Variants in ANKS3 observed in about 807,000 individuals in gnomAD.
ANKS3 encodes ankyrin repeat and SAM domain-containing protein 3.
Under a neutral mutation model 80.7 loss-of-function variants are expected in ANKS3, and 62 were observed. The observed-to-expected ratio is 0.77, with a 90% confidence interval of 0.63 to 0.95. ANKS3 has a LOEUF of 0.95. ANKS3 is among the 40% of genes least tolerant of loss of function. ANKS3 has a pLI of 0.00. For synonymous variants in ANKS3, 489 were observed against 355.3 expected, an observed-to-expected ratio of 1.38 and a Z score of -4.23; for missense variants, 1,150 against 883.6, an observed-to-expected ratio of 1.30 and a Z score of -3.82.
At position 4,710,554 on chromosome 16, in the gene ANKS3, C is replaced by G. The variant is rs1313419648; in HGVS notation, c.709+3497G>C. ...CAAAACCACCTCTCTACAAAAAATA[C>G]AAACGTAAGCTGGGCGTGGTAGGGT... On this transcript the variant is annotated intron_variant, in intron 7 of 17. Transcript: ENST00000304283. Among the ~76,000 whole-genome samples, 8 of 152,032 alleles carry G rather than the reference C, an allele frequency of 5.3e-5. No homozygotes were observed. The East Asian group carries it at 1.5e-3, about 29-fold the overall frequency.
rs751324155 is a variant in ANKS3 at position 4,698,802 on chromosome 16, T to G, written c.1549A>C (p.Lys517Gln). The G allele has an allele frequency of 3.7e-6, 6 of 1,604,904 alleles. No individual in the cohort carries two copies. The highest frequency in any genetic ancestry group is 5.1e-6 in the Non-Finnish European group (6 of 1,175,938). The change falls in exon 13 of 18, where the codon AAG (lysine) becomes CAG (glutamine). Residue 517 changes from lysine (K) to glutamine (Q), a missense_variant and splice_region_variant. Transcript: ENST00000304283. Reference sequence around the variant, plus strand: ...CCATCCCCCACCCAGCCACTCACCTTGTGCAGCTGGATGGCGAGCTCCTGC... The same window carrying G: ...CCATCCCCCACCCAGCCACTCACCTGGTGCAGCTGGATGGCGAGCTCCTGC... ...EMQELAIQLH[K>Q]RCEEVEATRG...
chr16:4,698,774 C>T (rs1440645317), intron 13 of ANKS3, 26 bp downstream of exon 13: 1 of 1,579,594 alleles, frequency 6.3e-7, no homozygotes, highest in Non-Finnish European at 8.6e-7. Context: ...TCACCCTGCC[C>T]CCCCATCCCC....
In ANKS3 at chr16:4,727,190, A is replaced by C; in HGVS notation, c.171-13T>G. Reference sequence around the variant, plus strand: ...ATCTAACTCTCTCCTAAACAAACGCAAGATATGCTAGACATGGCCAGCCGC... The same window carrying C: ...ATCTAACTCTCTCCTAAACAAACGCCAGATATGCTAGACATGGCCAGCCGC... On this transcript the variant is annotated splice_polypyrimidine_tract_variant and intron_variant, in intron 3 of 17. Transcript: ENST00000304283. 1 of 1,613,266 alleles carries C rather than the reference A, an allele frequency of 6.2e-7. No homozygotes were observed. The highest frequency in any genetic ancestry group is 8.5e-7 in the Non-Finnish European group (1 of 1,179,768).
rs148019932 is a variant in ANKS3, at chr16:4,702,617, G to C, written c.869-375C>G. ...CCTCACACAGACACCCATCGACCAC[G>C]TGTCTTTATGTCCCTGTGACCTTTA... On this transcript the variant is annotated intron_variant, in intron 8 of 17. Transcript: ENST00000304283. Among the ~76,000 whole-genome samples, 7 of 152,256 alleles carry C rather than the reference G, an allele frequency of 4.6e-5. No individual in the cohort carries two copies. The South Asian group carries it at 1.5e-3, about 32-fold the overall frequency.
At position 4,702,223 on chromosome 16, in the gene ANKS3, G is replaced by A; in HGVS notation, c.888C>T (p.Gly296=). ...RPRYEQAPPR[G]YVTFNSSGEN... ...CGCCACTGCTGTTGAAGGTGACATA[G>A]CCACGGGGAGGAGCCTGCTCTGTGT... is the stretch of plus-strand genomic sequence containing the variant. The change falls in exon 9 of 18, where the codon GGC becomes GGT. Residue 296 remains glycine, a synonymous_variant. Coordinates refer to ENST00000304283, the MANE Select transcript of ANKS3 (RefSeq NM_133450.4). 1 of 1,583,978 alleles carries A rather than the reference G, an allele frequency of 6.3e-7. No individual in the cohort carries two copies. The highest frequency in any genetic ancestry group is 8.6e-7 in the Non-Finnish European group (1 of 1,165,692).
chr16:4,727,234 C>T (rs913389415), intron 3 of ANKS3, 57 bp from the exon 4 acceptor site: 11 of 1,578,480 alleles, frequency 7.0e-6, no homozygotes, highest in Non-Finnish European at 9.5e-6. Flanking sequence ...TGGGGTTCAC[C>T]AAAGCTGGTG....
intron 6 of ANKS3, among the ~76,000 whole-genome samples, chr16:4,714,466 C>A (rs754110123): frequency 1.3e-5 from 2 of 152,242 alleles, no homozygotes; most frequent in African/African-American, 2.4e-5. Flanking sequence ...AGCCACCATG[C>A]GGAGATCCCA....
At chr16:4,699,321 T>G in intron 11 of ANKS3, 145 bp from the exon 12 acceptor site, 1 of 1,162,188 alleles carries the variant, frequency 8.6e-7, no homozygotes, top group South Asian at 1.5e-5. Context: ...CCCCTCCTAC[T>G]CTGGTGGCTC....
chr16:4,732,690 C>CA (rs1179759248), intron 1 of ANKS3, among the ~76,000 whole-genome samples: 3 of 133,366 alleles, frequency 2.2e-5, no homozygotes, highest in South Asian at 2.3e-4. Flanking sequence ...AAAAAAAAAA[C>CA]AAAAAAAAAA....
chr16:4,704,524 G>A (rs1323890141), intron 8 of ANKS3, among the ~76,000 whole-genome samples: 2 of 152,166 alleles, frequency 1.3e-5, no homozygotes, highest in Non-Finnish European at 2.9e-5. Context: ...CTCCCCAAGA[G>A]CAAAACGCTC....
chr16:4,714,887 G>A (rs2080704578), intron 6 of ANKS3, among the ~76,000 whole-genome samples: 1 of 150,156 alleles, frequency 6.7e-6, no homozygotes, highest in Non-Finnish European at 1.5e-5. Context: ...AGCTACTCGG[G>A]AGGCTGAGGC....
rs761004762 is a variant in ANKS3, at chr16:4,701,528, C to T, written c.1025G>A (p.Cys342Tyr). Residue 342 changes from cysteine to tyrosine, a missense_variant, in exon 10 of 18, where the codon TGT (cysteine) becomes TAT (tyrosine). By Grantham distance (194) the Cys-to-Tyr change is radical (BLOSUM62 -2). Transcript: ENST00000304283. ...SSSSREEHAF[C>Y]ANLGPVQSSS... is the part of the protein sequence containing the mutation. ...GCTCTGGACGGGCCCCAGGTTGGCA[C>T]AGAAAGCATGTTCCTCTGAGGGCGG... 3.1e-6 allele frequency: 5 copies of T among 1,610,854 alleles called. No individual in the cohort carries two copies. Among genetic ancestry groups the T allele is most frequent in the Non-Finnish European group, 4.2e-6 (5 of 1,178,396 alleles).
intron 3 of ANKS3, chr16:4,728,169 C>T (rs1014464413): frequency 4.6e-5 from 7 of 152,312 alleles, no homozygotes; most frequent in African/African-American, 1.7e-4. Flanking sequence ...CCTCAGCCTC[C>T]CAAGTAGCTG....
chr16:4,730,789 T>G (rs527640171), intron 2 of ANKS3, among the ~76,000 whole-genome samples: 1 of 151,822 alleles, frequency 6.6e-6, no homozygotes, highest in East Asian at 1.9e-4. Flanking sequence ...GAGGCGGAGG[T>G]TGCGGTGAGC....
chr16:4,715,221 G>A (rs951572981), intron 6 of ANKS3, among the ~76,000 whole-genome samples: 3 of 151,816 alleles, frequency 2.0e-5, no homozygotes, highest in Admixed American at 1.3e-4. Context: ...CAGGTGGATC[G>A]CTCGGCTCAG....
chr16:4,701,687 C>T, intron 9 of ANKS3, 144 bp from the exon 10 acceptor site: 1 of 658,346 alleles, frequency 1.5e-6, no homozygotes, highest in Middle Eastern at 2.5e-4. Flanking sequence ...TCCTGCCTGT[C>T]CTAAACCCTC....
At chr16:4,715,855 G>C (rs2080767443) in intron 6 of ANKS3, among the ~76,000 whole-genome samples, 1 of 151,694 alleles carries the variant, frequency 6.6e-6, no homozygotes. Context: ...AAGTGCAGCG[G>C]CGCCTAAGGA....
Position 4,698,408 on chromosome 16 carries a change from G to A in ANKS3, c.1724+19C>T, listed in dbSNP as rs1473858704. Reference sequence around the variant, plus strand: ...CTGACCACTGGAGACCCAGCCCAGGGCAGCTCAGAGCCACTCACCGCAGCT... The same window carrying A: ...CTGACCACTGGAGACCCAGCCCAGGACAGCTCAGAGCCACTCACCGCAGCT... On this transcript the variant is annotated intron_variant, in intron 14 of 17. Transcript: ENST00000304283. 6.7e-7 allele frequency: 1 copy of A among 1,485,902 alleles called. No homozygotes were observed. Among genetic ancestry groups the A allele is most frequent in the Admixed American group, 2.3e-5 (1 of 44,156 alleles). The allele number at this position is 1,485,902 out of a possible 1,614,324, so 92.0% of individuals were successfully genotyped here.
rs755623227 is a variant in ANKS3 at position 4,698,593 on chromosome 16, C to T, written c.1558G>A (p.Glu520Lys). The change falls in exon 14 of 18, where the codon GAG becomes AAG. Residue 520 changes from glutamate (E) to lysine (K), a missense_variant. Transcript: ENST00000304283. ...ELAIQLHKRC[E>K]EVEATRGQVC... ...TGGCCCCGCGTGGCCTCTACCTCCT[C>T]GCAGCGCTGCAGGGGGGTGGGGGGC... 17 of 1,561,472 alleles carry T rather than the reference C, an allele frequency of 1.1e-5. No homozygotes were observed. Among genetic ancestry groups the T allele is most frequent in the Admixed American group, 7.2e-5 (4 of 55,460 alleles).
Sources: allele counts gnomAD v4.1 joint callset (sites outside exome capture counted in the v4.1 genomes callset), GRCh38; gene constraint gnomAD v4.1.1; transcripts MANE v1.5; gene names NCBI Gene and HGNC (gene_info 2026-07-23, HGNC 2026-07-21).